The following TMIGD3 variants were observed in gnomAD, a reference collection of about 807,000 sequenced individuals.
The protein encoded by TMIGD3 is AD026 protein (AD026).
A neutral mutation model predicts 28.1 loss-of-function variants in TMIGD3; 21 were observed. The ratio of observed to expected loss-of-function variants is 0.75; its 90% confidence interval spans 0.53 to 1.08. The LOEUF (loss-of-function observed/expected upper bound fraction) is 1.08, where lower values mean the gene tolerates loss of function less well. TMIGD3 is among the 50% of genes least tolerant of loss of function. The pLI is 0.00. For missense variants in TMIGD3, 416 were observed against 435.6 expected, an observed-to-expected ratio of 0.96 and a Z score of 0.40; for synonymous variants, 151 against 162.1, an observed-to-expected ratio of 0.93 and a Z score of 0.52.
upstream of TMIGD3, among the ~76,000 whole-genome samples, chr1:111,506,648 A>G (rs760584220): frequency 3.3e-5 from 5 of 152,150 alleles, no homozygotes; most frequent in Non-Finnish European, 5.9e-5. Context: ...TGATGTTGCC[A>G]TGCTATCAAA....
chr1:111,526,734 C>T (rs1656276249), intron 1 of TMIGD3, among the ~76,000 whole-genome samples: 1 of 152,182 alleles, frequency 6.6e-6, no homozygotes, highest in Non-Finnish European at 1.5e-5. Flanking sequence ...GTTGTTCATT[C>T]ATTGGGTTTT....
intron 1 of TMIGD3, among the ~76,000 whole-genome samples, chr1:111,561,358 A>G (rs1341083697): frequency 6.6e-6 from 1 of 152,174 alleles, no homozygotes; most frequent in Admixed American, 6.5e-5. Context: ...TCCTGGGCTC[A>G]AGCGATCCGC....
At chr1:111,562,819 T>C (rs1657792654) in intron 1 of TMIGD3, among the ~76,000 whole-genome samples, 1 of 152,236 alleles carries the variant, frequency 6.6e-6, no homozygotes, top group Non-Finnish European at 1.5e-5. Flanking sequence ...TACTCTGCTT[T>C]CTTTGGTTTG....
intron 1 of TMIGD3, among the ~76,000 whole-genome samples, chr1:111,545,576 AC>A (rs1418086774): frequency 4.6e-5 from 7 of 152,094 alleles, no homozygotes; most frequent in African/African-American, 1.7e-4. Context: ...TCTGGTTTGT[AC>A]TTTTACTTTC....
At chr1:111,485,683 A>C in intron 5 of TMIGD3, 57 bp downstream of exon 5, 66 of 1,179,020 alleles carry the variant, frequency 5.6e-5, no homozygotes, top group Middle Eastern at 2.0e-4. Context: ...CTGCTCCTTG[A>C]CCTCTTTCAT....
chr1:111,500,456 T>G, intron 1 of TMIGD3: 24 of 1,614,224 alleles, frequency 1.5e-5, no homozygotes, highest in Non-Finnish European at 1.9e-5. Flanking sequence ...GTCAGTTTCA[T>G]GTTCCAGCCA....
intron 1 of TMIGD3, among the ~76,000 whole-genome samples, chr1:111,497,511 C>T (rs1020995580): frequency 5.9e-5 from 9 of 152,098 alleles, no homozygotes; most frequent in African/African-American, 2.4e-5. Context: ...GAGTTTACTT[C>T]GAAAGACATT....
intron 1 of TMIGD3, among the ~76,000 whole-genome samples, chr1:111,508,856 G>A (rs769923237): frequency 2.6e-5 from 4 of 152,216 alleles, no homozygotes; most frequent in Admixed American, 6.5e-5. Flanking sequence ...CAGCACTTTG[G>A]GAGGCCGAGG....
chr1:111,522,099 A>G (rs1354226145), intron 1 of TMIGD3, among the ~76,000 whole-genome samples: 1 of 152,120 alleles, frequency 6.6e-6, no homozygotes, highest in African/African-American at 2.4e-5. Context: ...TTTGCTCTGT[A>G]TTGTGTTACA....
intron 1 of TMIGD3, among the ~76,000 whole-genome samples, chr1:111,533,845 T>G (rs1571443342): frequency 6.6e-6 from 1 of 152,300 alleles, no homozygotes; most frequent in Non-Finnish European, 1.5e-5. Context: ...TGAGCCACCA[T>G]GTCCGGCCAG....
In TMIGD3 at chr1:111,492,672, G is replaced by A. The variant is rs145406422; in HGVS notation, c.351-1910C>T. On this transcript the variant is annotated intron_variant, in intron 1 of 5. Coordinates refer to ENST00000369716, the MANE Select transcript of TMIGD3 (RefSeq NM_020683.7). The stretch of plus-strand genomic sequence containing the variant: ...CTACTATAAATACAAAAATTAGCCA[G>A]GCGTGGTGGTGCGTGCCTGTAGTCC... Among the ~76,000 whole-genome samples the A allele has an allele frequency of 4.1e-3, 618 of 152,194 alleles. 4 individuals are homozygous for A. Among genetic ancestry groups the A allele is most frequent in the African/African-American group, 0.014 (591 of 41,512 alleles).
At chr1:111,488,633 T>C (rs1423714250) in intron 3 of TMIGD3, 44 bp downstream of exon 3, 1 of 1,543,818 alleles carries the variant, frequency 6.5e-7, no homozygotes, top group Non-Finnish European at 8.9e-7. Flanking sequence ...CAAACACCCA[T>C]GGCTGTGGGT....
At chr1:111,484,943 G>A (rs1211716822) in intron 5 of TMIGD3, among the ~76,000 whole-genome samples, 4 of 152,204 alleles carry the variant, frequency 2.6e-5, no homozygotes, top group Admixed American at 2.0e-4. Flanking sequence ...TCAGAGGTTG[G>A]CATATTTGCC....
At chr1:111,516,038 G>C (rs1655854196) in intron 1 of TMIGD3, among the ~76,000 whole-genome samples, 1 of 152,214 alleles carries the variant, frequency 6.6e-6, no homozygotes, top group East Asian at 1.9e-4. Context: ...AGGAGGCTGG[G>C]CGTCCTCTGC....
At chr1:111,510,418 A>T (rs1655651084) in intron 1 of TMIGD3, among the ~76,000 whole-genome samples, 1 of 150,502 alleles carries the variant, frequency 6.6e-6, no homozygotes, top group African/African-American at 2.5e-5. Context: ...CTCTTACATA[A>T]AGTTTCATAG....
At chr1:111,519,817 T>A (rs796552943) in intron 1 of TMIGD3, among the ~76,000 whole-genome samples, 36 of 151,986 alleles carry the variant, frequency 2.4e-4, no homozygotes, top group African/African-American at 8.2e-4. Flanking sequence ...CTCAGCTTCC[T>A]GAGTAGCTGG....
chr1:111,498,722 A>T (rs1218168951), intron 1 of TMIGD3, among the ~76,000 whole-genome samples: 1 of 152,202 alleles, frequency 6.6e-6, no homozygotes, highest in Non-Finnish European at 1.5e-5. Flanking sequence ...GATGATCATT[A>T]TAGTGGTACC....
At chr1:111,514,823 C>A (rs1299880372) in intron 1 of TMIGD3, among the ~76,000 whole-genome samples, 1 of 152,192 alleles carries the variant, frequency 6.6e-6, no homozygotes, top group Admixed American at 6.5e-5. Context: ...ATCCTCTAAT[C>A]TTTCATTAAC....
chr1:111,504,898 A>C, upstream of TMIGD3: 1 of 985,274 alleles, frequency 1.0e-6, no homozygotes, highest in South Asian at 4.7e-5. Context: ...TTTCTCCCTG[A>C]GCAGACTCCC....
Sources: gnomAD v4.1 joint callset for allele counts (sites outside exome capture counted in the v4.1 genomes callset) on GRCh38, gnomAD v4.1.1 for gene constraint, MANE v1.5 for transcripts, NCBI Gene and HGNC (gene_info 2026-07-23, HGNC 2026-07-21) for gene names.